DYM: variants seen among roughly 807,000 people sequenced by gnomAD.
DYM encodes dymeclin, also known as dyggve-Melchior-Clausen syndrome protein.
Under a neutral mutation model 93.1 loss-of-function variants are expected in DYM, and 78 were observed. The observed-to-expected ratio is 0.84, with a 90% CI of 0.70 to 1.01. The LOEUF (loss-of-function observed/expected upper bound fraction) is 1.01, where lower values mean the gene tolerates loss of function less well. Ranked by LOEUF, DYM falls within the 50% of genes least tolerant of loss-of-function variation. The pLI, the probability that DYM is intolerant of heterozygous loss-of-function variation, is 0.00. For synonymous variants in DYM, 321 were observed against 319.7 expected (o/e 1.00, Z -0.04); for missense variants, 789 against 845.0 (o/e 0.93, Z 0.82).
At chr18:49,084,275 C>G (rs1199175666) in intron 17 of DYM, among the ~76,000 whole-genome samples, 1 of 152,082 alleles carries the variant, frequency 6.6e-6, no homozygotes, top group African/African-American at 2.4e-5. Context: ...TTTCCAAATA[C>G]CTTTCTTTTG....
chr18:49,060,748 GGAGA>G (rs528744840), intron 17 of DYM, among the ~76,000 whole-genome samples: 4 of 123,142 alleles, frequency 3.2e-5, no homozygotes, highest in Admixed American at 7.9e-5. Flanking sequence ...GGAGAAGGAG[GGAGA>G]GAGAGAGAGA....
chr18:49,428,635 G>C (rs12605841), intron 2 of DYM, among the ~76,000 whole-genome samples: 13,883 of 152,196 alleles, frequency 0.091, 856 homozygotes, highest in East Asian at 0.31. Context: ...GCAGTGAGCA[G>C]AGATCGCGCC....
chr18:49,366,539 A>G (rs12458051), intron 5 of DYM, among the ~76,000 whole-genome samples: 13,848 of 152,108 alleles, frequency 0.091, 839 homozygotes, highest in East Asian at 0.31. Context: ...CTGCTATAGC[A>G]CCAGCTACTC....
chr18:49,393,460 A>C (rs1021458522), intron 2 of DYM, among the ~76,000 whole-genome samples: 3 of 152,208 alleles, frequency 2.0e-5, no homozygotes, highest in African/African-American at 7.2e-5. Context: ...ACAATGGAAT[A>C]TTATTTAGTC....
At chr18:49,098,724 C>A (rs1265231318) in intron 16 of DYM, among the ~76,000 whole-genome samples, 1 of 152,134 alleles carries the variant, frequency 6.6e-6, no homozygotes, top group African/African-American at 2.4e-5. Context: ...CTTGTTCTTC[C>A]CCATGTCGGA....
chr18:49,378,072 C>G (rs1180621688), intron 5 of DYM, among the ~76,000 whole-genome samples: 1 of 152,210 alleles, frequency 6.6e-6, no homozygotes, highest in Admixed American at 6.5e-5. Context: ...ACTTTGGCAT[C>G]ATAAAACTGT....
At chr18:49,332,081 A>G in intron 7 of DYM, 75 bp from the exon 8 acceptor site, 1 of 1,428,244 alleles carries the variant, frequency 7.0e-7, no homozygotes, top group Admixed American at 1.8e-5. Context: ...TACAGAAATA[A>G]TTCTGCCATT....
At chr18:49,147,277 T>G (rs1425736067) in intron 15 of DYM, among the ~76,000 whole-genome samples, 1 of 151,854 alleles carries the variant, frequency 6.6e-6, no homozygotes, top group Admixed American at 6.6e-5. Context: ...ATTCAGGACA[T>G]AGGCATGGGC....
intron 2 of DYM, among the ~76,000 whole-genome samples, chr18:49,411,654 C>T (rs1372424342): frequency 6.6e-6 from 1 of 152,116 alleles, no homozygotes; most frequent in Non-Finnish European, 1.5e-5. Context: ...GACCTCTGAA[C>T]ACAGGTTTGC....
chr18:49,375,244 T>G (rs1599758917), intron 5 of DYM, among the ~76,000 whole-genome samples: 1 of 145,412 alleles, frequency 6.9e-6, no homozygotes, highest in South Asian at 2.2e-4. Context: ...ATACCTACCT[T>G]GGGCTTTAGA....
intron 17 of DYM, chr18:49,097,179 T>C (rs2079619372): frequency 3.4e-6 from 2 of 592,198 alleles, no homozygotes; most frequent in South Asian, 4.0e-5. Flanking sequence ...TAACAGTATA[T>C]GAATTATAGT....
At chr18:49,078,868 C>G (rs1385858297) in intron 17 of DYM, among the ~76,000 whole-genome samples, 1 of 152,218 alleles carries the variant, frequency 6.6e-6, no homozygotes, top group Admixed American at 6.5e-5. Flanking sequence ...TTTGCTCAGC[C>G]TGAAGAACTT....
chr18:49,240,051 C>T (rs909525162), intron 13 of DYM, among the ~76,000 whole-genome samples: 4 of 152,120 alleles, frequency 2.6e-5, no homozygotes, highest in Non-Finnish European at 5.9e-5. Context: ...CCTTCTCTTT[C>T]AACCTCTGAT....
chr18:49,104,740 T>C (rs1443685762), intron 16 of DYM, among the ~76,000 whole-genome samples: 3 of 152,242 alleles, frequency 2.0e-5, no homozygotes, highest in African/African-American at 7.2e-5. Context: ...TGAACCAGCC[T>C]TGCATCCTAG....
chr18:49,301,502 C>CA (rs1261024837), intron 8 of DYM, among the ~76,000 whole-genome samples: 1 of 137,390 alleles, frequency 7.3e-6, no homozygotes, highest in Non-Finnish European at 1.5e-5. Flanking sequence ...GCCTGGGTGA[C>CA]AGAGTGAGAC....
intron 8 of DYM, among the ~76,000 whole-genome samples, chr18:49,324,760 T>C (rs1449336556): frequency 6.6e-6 from 1 of 152,222 alleles, no homozygotes; most frequent in Non-Finnish European, 1.5e-5. Context: ...CTATTTTAAC[T>C]AATAAGCACC....
chr18:49,289,930 C>T (rs1471791413), intron 8 of DYM, among the ~76,000 whole-genome samples: 3 of 151,222 alleles, frequency 2.0e-5, no homozygotes. Flanking sequence ...ACTGATAACA[C>T]TGATAAGACT....
chr18:49,438,594 A>G (rs2081058842), intron 1 of DYM, among the ~76,000 whole-genome samples: 3 of 152,158 alleles, frequency 2.0e-5, no homozygotes, highest in South Asian at 4.1e-4. Flanking sequence ...GCCCACAAGC[A>G]ACTAACAGAA....
At position 49,163,570 on chromosome 18, in the gene DYM, T is replaced by G; in HGVS notation, c.1728+115A>C. On this transcript the variant is annotated intron_variant, in intron 15 of 17. Coordinates refer to ENST00000675505, the MANE Select transcript of DYM (RefSeq NM_001353214.3). ...CATGTTGGCCAGGCTGGTCTTGAAC[T>G]CCCGACCAAGTGATCCATCTGCCTC... 5.8e-6 allele frequency: 4 copies of G among 695,106 alleles called. No homozygotes were observed. The Middle Eastern group carries it at 7.6e-4, about 132-fold the overall frequency. 43.1% of individuals were successfully genotyped at this position (695,106 alleles called of 1,614,324 possible). A position where few individuals can be genotyped will look rare whatever the true frequency, so the allele number is the denominator to read the frequency against.
Sources: gnomAD v4.1 joint callset for allele counts (sites outside exome capture counted in the v4.1 genomes callset) on GRCh38, gnomAD v4.1.1 for gene constraint, MANE v1.5 for transcripts, NCBI Gene and HGNC (gene_info 2026-07-23, HGNC 2026-07-21) for gene names.